The following NAALADL2 variants were observed in gnomAD, a reference collection of about 807,000 sequenced individuals.
NAALADL2 encodes the protein N-acetylated alpha-linked acidic dipeptidase like 2, also known as inactive N-acetylated-alpha-linked acidic dipeptidase-like protein 2.
A neutral mutation model predicts 87.2 loss-of-function variants in NAALADL2; 76 were observed. That is an observed-to-expected ratio of 0.87 (90% CI 0.72 to 1.05). The LOEUF is 1.05. Ranked by LOEUF, NAALADL2 falls within the 50% of genes least tolerant of loss-of-function variation. The pLI is 0.00. For missense variants in NAALADL2, 1,089 were observed against 945.8 expected (o/e 1.15, Z -1.99); for synonymous variants, 354 against 331.0 (o/e 1.07, Z -0.75).
chr3:174,501,836 C>A (rs1718916306), intron 1 of NAALADL2, among the ~76,000 whole-genome samples: 1 of 151,926 alleles, frequency 6.6e-6, no homozygotes. Flanking sequence ...CCACGTAATT[C>A]TTTCAAAGAA....
chr3:175,711,068 T>C (rs1480830881), intron 11 of NAALADL2, among the ~76,000 whole-genome samples: 1 of 151,980 alleles, frequency 6.6e-6, no homozygotes, highest in African/African-American at 2.4e-5. Context: ...TGTTAATGAA[T>C]TATTTCAAAT....
At chr3:174,713,156 G>A (rs1730841012) in intron 2 of NAALADL2, among the ~76,000 whole-genome samples, 2 of 152,184 alleles carry the variant, frequency 1.3e-5, no homozygotes. Context: ...TGGCTGCATA[G>A]TATTCCATGG....
intron 4 of NAALADL2, among the ~76,000 whole-genome samples, chr3:175,295,199 G>A (rs564739723): frequency 6.6e-6 from 1 of 152,230 alleles, no homozygotes; most frequent in Admixed American, 6.5e-5. Context: ...TTATGTGCAG[G>A]CCCTGTATGT....
chr3:174,974,246 C>T (rs896700070), intron 1 of NAALADL2, among the ~76,000 whole-genome samples: 5 of 152,140 alleles, frequency 3.3e-5, no homozygotes, highest in Admixed American at 2.0e-4. Flanking sequence ...CGGTTAAACT[C>T]GCAGCACTTG....
At chr3:175,371,373 T>C (rs1310614578) in intron 5 of NAALADL2, among the ~76,000 whole-genome samples, 2 of 152,008 alleles carry the variant, frequency 1.3e-5, no homozygotes, top group South Asian at 2.1e-4. Context: ...GTTCTCGCCG[T>C]TCTCCTGCCT....
At chr3:174,849,666 C>T (rs1404688849) in intron 3 of NAALADL2, among the ~76,000 whole-genome samples, 3 of 132,046 alleles carry the variant, frequency 2.3e-5, no homozygotes, top group African/African-American at 8.5e-5. Context: ...ATCTGGGAGG[C>T]GGAGGTTGCA....
chr3:175,509,537 C>T (rs1286981854), intron 9 of NAALADL2, among the ~76,000 whole-genome samples: 27 of 152,144 alleles, frequency 1.8e-4, no homozygotes, highest in Admixed American at 1.8e-3. Context: ...TTATAAACAG[C>T]TCTATTGTAG....
chr3:175,695,030 C>T (rs1035143780), intron 11 of NAALADL2, among the ~76,000 whole-genome samples: 2 of 151,192 alleles, frequency 1.3e-5, no homozygotes, highest in African/African-American at 4.9e-5. Flanking sequence ...GTTTGTGTTG[C>T]CTAATTTGAG....
At chr3:174,944,729 T>C (rs1739147890) in intron 1 of NAALADL2, among the ~76,000 whole-genome samples, 2 of 152,310 alleles carry the variant, frequency 1.3e-5, no homozygotes, top group South Asian at 4.1e-4. Flanking sequence ...TGTGTCAGAC[T>C]GAAGACCCTG....
chr3:175,276,758 T>TAC (rs745511425), intron 4 of NAALADL2, among the ~76,000 whole-genome samples: 7 of 152,194 alleles, frequency 4.6e-5, no homozygotes, highest in Non-Finnish European at 7.3e-5. Context: ...GGTAAATATA[T>TAC]ACATTCTTAT....
intron 1 of NAALADL2, chr3:174,459,668 A>T (rs1025807770): frequency 3.3e-5 from 5 of 152,188 alleles, no homozygotes; most frequent in African/African-American, 9.7e-5. Context: ...AATGTAGTAT[A>T]CCACTGTAAG....
intron 2 of NAALADL2, among the ~76,000 whole-genome samples, chr3:175,171,350 C>T (rs909847162): frequency 2.0e-5 from 3 of 152,026 alleles, no homozygotes; most frequent in South Asian, 2.1e-4. Flanking sequence ...GCCATCCTAA[C>T]GATGGAGATG....
At chr3:174,485,430 G>A (rs750530556) in intron 1 of NAALADL2, among the ~76,000 whole-genome samples, 10 of 137,654 alleles carry the variant, frequency 7.3e-5, no homozygotes, top group South Asian at 2.3e-4. Flanking sequence ...TTTTTTTTTC[G>A]AATCTTCCTC....
chr3:174,524,716 TA>T (rs10612544), intron 1 of NAALADL2, among the ~76,000 whole-genome samples: 96,622 of 144,858 alleles, frequency 0.67, 32,159 homozygotes, highest in East Asian at 0.89. Context: ...CCCAACAAAT[TA>T]AAAAAAAAAA....
intron 9 of NAALADL2, among the ~76,000 whole-genome samples, chr3:175,546,327 T>A (rs1220085160): frequency 6.6e-6 from 1 of 152,132 alleles, no homozygotes; most frequent in Non-Finnish European, 1.5e-5. Flanking sequence ...TACCAATGGT[T>A]CTTGGTTCGT....
intron 1 of NAALADL2, among the ~76,000 whole-genome samples, chr3:174,882,659 G>A (rs1384448811): frequency 6.9e-6 from 1 of 144,488 alleles, no homozygotes; most frequent in Non-Finnish European, 1.5e-5. Context: ...ATACACATAT[G>A]TGCATATACA....
chr3:174,582,667 T>A (rs1357085617), intron 2 of NAALADL2, among the ~76,000 whole-genome samples: 1 of 151,518 alleles, frequency 6.6e-6, no homozygotes, highest in East Asian at 2.0e-4. Context: ...CTGCAACCTC[T>A]ACCTTCTGGG....
chr3:174,886,871 C>A (rs1349178058), intron 1 of NAALADL2, among the ~76,000 whole-genome samples: 1 of 152,150 alleles, frequency 6.6e-6, no homozygotes, highest in Admixed American at 6.6e-5. Flanking sequence ...CATTTCATTT[C>A]TATTGGGTCC....
chr3:175,116,034 A>G (rs560527615), intron 2 of NAALADL2, among the ~76,000 whole-genome samples: 2 of 152,024 alleles, frequency 1.3e-5, no homozygotes, highest in South Asian at 4.1e-4. Flanking sequence ...AAAATTCAAC[A>G]GCCTTCATGC....
Sources: gnomAD v4.1 joint callset for allele counts (sites outside exome capture counted in the v4.1 genomes callset) on GRCh38, gnomAD v4.1.1 for gene constraint, MANE v1.5 for transcripts, NCBI Gene and HGNC (gene_info 2026-07-23, HGNC 2026-07-21) for gene names.